The following FAM161A variants were observed in gnomAD, a reference collection of about 807,000 sequenced individuals.
The protein encoded by FAM161A is protein FAM161A.
Under a neutral mutation model 70.9 loss-of-function variants are expected in FAM161A, and 57 were observed. The observed-to-expected ratio is 0.80, with a 90% CI of 0.65 to 1.00. The LOEUF (loss-of-function observed/expected upper bound fraction) is 1.00. Among genes scored for constraint, FAM161A ranks in the 50% least tolerant of loss-of-function variants. FAM161A has a pLI of 0.00. For missense variants in FAM161A, 880 were observed against 836.0 expected (o/e 1.05, Z -0.65); for synonymous variants, 299 against 295.7 (o/e 1.01, Z -0.12).
chr2:61,839,163 G>A (rs993669663), intron 3 of FAM161A, among the ~76,000 whole-genome samples: 1 of 152,054 alleles, frequency 6.6e-6, no homozygotes, highest in Non-Finnish European at 1.5e-5. Flanking sequence ...GATTACAGGT[G>A]TAAGCCACTG....
intron 1 of FAM161A, among the ~76,000 whole-genome samples, chr2:61,845,478 T>A (rs2105092520): frequency 6.6e-6 from 1 of 152,122 alleles, no homozygotes; most frequent in East Asian, 1.9e-4. Context: ...TTCGTTTGAG[T>A]TTGGAAGATA....
At chr2:61,817,797 T>C in the FAM161A span, among the ~76,000 whole-genome samples, 3 of 152,072 alleles carry the variant, frequency 2.0e-5, no homozygotes, top group African/African-American at 7.2e-5. Flanking sequence ...TGAGACCCTG[T>C]CTCTACAAAA....
intron 2 of FAM161A, 103 bp from the exon 3 acceptor site, chr2:61,840,684 T>A: frequency 2.2e-6 from 2 of 903,298 alleles, no homozygotes; most frequent in Non-Finnish European, 3.4e-6. Context: ...AGAGTCTCAC[T>A]CTGTTGCCCA....
chr2:61,832,276 C>A (rs1347976936), intron 5 of FAM161A, among the ~76,000 whole-genome samples: 12 of 145,368 alleles, frequency 8.3e-5, no homozygotes, highest in East Asian at 4.1e-4. Flanking sequence ...ACAACAACAA[C>A]AAAAAACCAA....
chr2:61,820,799 G>C (rs112566815), downstream of FAM161A, among the ~76,000 whole-genome samples: 1,558 of 152,222 alleles, frequency 0.01, 29 homozygotes, highest in African/African-American at 0.035. Context: ...ATTGTGAGTT[G>C]ATAATTCTTG....
Position 61,827,269 on chromosome 2 carries a change from G to A in FAM161A, c.1852-11C>T. The A allele has an allele frequency of 6.2e-7, 1 of 1,612,020 alleles. No individual in the cohort carries two copies. Among genetic ancestry groups the A allele is most frequent in the Non-Finnish European group, 8.5e-7 (1 of 1,179,754 alleles). Reference sequence around the variant, plus strand: ...CATTCTTGCATTTTTCTATAGGAAAGACAAACCTTTTTAGACGAGAACAGA... The same window carrying A: ...CATTCTTGCATTTTTCTATAGGAAAAACAAACCTTTTTAGACGAGAACAGA... On this transcript the variant is annotated splice_polypyrimidine_tract_variant and intron_variant, in intron 5 of 6. Coordinates refer to ENST00000404929, the MANE Select transcript of FAM161A (RefSeq NM_001201543.2).
intron 1 of FAM161A, chr2:61,846,912 G>A (rs1362182348): frequency 6.6e-6 from 3 of 454,758 alleles, no homozygotes; most frequent in South Asian, 3.1e-5. Flanking sequence ...CAGGCACAGT[G>A]GTTCATGCCT....
chr2:61,832,260 C>CCAA (rs755126973), intron 5 of FAM161A, among the ~76,000 whole-genome samples: 2 of 124,796 alleles, frequency 1.6e-5, no homozygotes, highest in African/African-American at 2.8e-5. Context: ...CAAAAAAAAA[C>CCAA]CAACAACAAC....
chr2:61,843,618 A>C (rs1215054907), intron 1 of FAM161A, among the ~76,000 whole-genome samples: 1 of 152,220 alleles, frequency 6.6e-6, no homozygotes, highest in Non-Finnish European at 1.5e-5. Flanking sequence ...AATTTGCTAC[A>C]GAAAATTATA....
At chr2:61,844,521 A>G (rs1673137215) in intron 1 of FAM161A, among the ~76,000 whole-genome samples, 1 of 152,096 alleles carries the variant, frequency 6.6e-6, no homozygotes, top group African/African-American at 2.4e-5. Context: ...CAACATGGTG[A>G]AACCCCCTCT....
intron 1 of FAM161A, among the ~76,000 whole-genome samples, chr2:61,842,739 T>A (rs1213172795): frequency 2.0e-5 from 3 of 152,242 alleles, no homozygotes; most frequent in Non-Finnish European, 4.4e-5. Flanking sequence ...AACACGGTTC[T>A]ACCTGCTGTA....
At chr2:61,823,386 T>TATATATATATATATATATATATATATATA (rs1558470704), downstream of FAM161A, among the ~76,000 whole-genome samples, 76 of 135,094 alleles carry the variant, frequency 5.6e-4, no homozygotes, top group Non-Finnish European at 7.9e-4. Flanking sequence ...TATATATATA[T>TATATATATATATATATATATATATATATA]TGAGTCAGGG....
chr2:61,834,563 A>T (rs1023061141), intron 5 of FAM161A, among the ~76,000 whole-genome samples: 2 of 151,994 alleles, frequency 1.3e-5, no homozygotes, highest in Non-Finnish European at 2.9e-5. Flanking sequence ...CCCAAGTTCA[A>T]GCAATTCTCC....
At chr2:61,821,784 T>A (rs967300353), downstream of FAM161A, among the ~76,000 whole-genome samples, 3 of 151,822 alleles carry the variant, frequency 2.0e-5, no homozygotes, top group Non-Finnish European at 2.9e-5. Flanking sequence ...TATTATTATT[T>A]TTTTAGACAG....
chr2:61,821,148 G>A (rs1672195111), downstream of FAM161A, among the ~76,000 whole-genome samples: 1 of 151,784 alleles, frequency 6.6e-6, no homozygotes, highest in Non-Finnish European at 1.5e-5. Flanking sequence ...GGCCTCCCGG[G>A]TTCAAGCGAT....
At chr2:61,831,837 A>C (rs1370476533) in intron 5 of FAM161A, among the ~76,000 whole-genome samples, 1 of 152,196 alleles carries the variant, frequency 6.6e-6, no homozygotes, top group East Asian at 1.9e-4. Context: ...CTTAAATGCA[A>C]ACAGACAACC....
chr2:61,817,235 T>C, the FAM161A span, among the ~76,000 whole-genome samples: 1 of 152,188 alleles, frequency 6.6e-6, no homozygotes, highest in Non-Finnish European at 1.5e-5. Flanking sequence ...CAGATCATAT[T>C]AGCAGCTTTC....
chr2:61,808,363 C>G, the FAM161A span, among the ~76,000 whole-genome samples: 1 of 151,840 alleles, frequency 6.6e-6, no homozygotes, highest in African/African-American at 2.4e-5. Context: ...ACCTCTGCCT[C>G]CTGGGTTCAA....
the FAM161A span, among the ~76,000 whole-genome samples, chr2:61,803,928 C>T: frequency 6.6e-6 from 1 of 152,094 alleles, no homozygotes; most frequent in Non-Finnish European, 1.5e-5. Context: ...TTAGATCTTG[C>T]CCAAGAAAGA....
Sources: allele counts gnomAD v4.1 joint callset (sites outside exome capture counted in the v4.1 genomes callset), GRCh38; gene constraint gnomAD v4.1.1; transcripts MANE v1.5; gene names NCBI Gene and HGNC (gene_info 2026-07-23, HGNC 2026-07-21).